Variants in PDHX observed in about 807,000 individuals in gnomAD.
PDHX encodes pyruvate dehydrogenase protein X component, mitochondrial.
PDHX carries 33 observed loss-of-function variants against 55.3 expected under a neutral mutation model. The observed-to-expected ratio is 0.60, with a 90% CI of 0.45 to 0.80. The LOEUF is 0.80. Ranked by LOEUF, PDHX falls within the 30% of genes least tolerant of loss-of-function variation. PDHX has a pLI of 0.00. For synonymous variants in PDHX, 226 were observed against 219.4 expected, an observed-to-expected ratio of 1.03 and a Z score of -0.27; for missense variants, 622 against 619.9, an observed-to-expected ratio of 1.00 and a Z score of -0.04.
intron 8 of PDHX, 71 bp from the exon 9 acceptor site, chr11:34,984,499 A>G: frequency 7.4e-7 from 1 of 1,342,540 alleles, no homozygotes; most frequent in African/African-American, 1.4e-5. Flanking sequence ...ATGCACAATG[A>G]TTTTATTTTT....
At chr11:34,968,654 A>G (rs1259467726) in intron 6 of PDHX, among the ~76,000 whole-genome samples, 1 of 152,226 alleles carries the variant, frequency 6.6e-6, no homozygotes, top group Non-Finnish European at 1.5e-5. Flanking sequence ...TACAAATCCA[A>G]ATAGAAATAA....
In PDHX at chr11:34,995,162, G is replaced by A. The variant is rs377638805; in HGVS notation, c.1496G>A (p.Arg499Gln). The change falls in exon 11 of 11, where the codon CGA becomes CAA. Residue 499 changes from arginine to glutamine, a missense_variant. Arg to Gln is a conservative substitution (Grantham distance 43, BLOSUM62 1). Transcript: ENST00000227868. ...AAAGCAAACCTAGAGAATCCTATCC[G>A]ACTTGCCTAGTCCTCAAAGATAAGA... is the stretch of plus-strand genomic sequence containing the variant. ...SFKANLENPI[R>Q]LA 3.8e-5 allele frequency: 61 copies of A among 1,613,660 alleles called. 1 individual carries two copies. The Admixed American group carries it at 7.2e-4, about 19-fold the overall frequency.
intron 9 of PDHX, among the ~76,000 whole-genome samples, chr11:34,987,521 G>C (rs974515928): frequency 6.6e-6 from 1 of 152,010 alleles, no homozygotes; most frequent in Non-Finnish European, 1.5e-5. Context: ...GTATGTGTAA[G>C]AGAGAGAGAT....
chr11:34,957,902 T>C (rs1456022567), intron 4 of PDHX, among the ~76,000 whole-genome samples: 2 of 152,200 alleles, frequency 1.3e-5, no homozygotes, highest in East Asian at 1.9e-4. Context: ...TATACCAAAC[T>C]TGATACTCTG....
intron 1 of PDHX, among the ~76,000 whole-genome samples, chr11:34,918,734 A>G (rs933342771): frequency 1.1e-4 from 17 of 152,186 alleles, no homozygotes; most frequent in Non-Finnish European, 7.4e-5. Context: ...GAAGTCCAAA[A>G]TGGATCTAAC....
intron 2 of PDHX, among the ~76,000 whole-genome samples, chr11:34,947,201 C>T (rs1854640338): frequency 6.6e-6 from 1 of 152,142 alleles, no homozygotes; most frequent in Non-Finnish European, 1.5e-5. Context: ...GAGGTGGATA[C>T]ACATTTGTTG....
Position 34,994,925 on chromosome 11 carries a change from TG to T in PDHX, c.1263del (p.Met422CysfsTer10), listed in dbSNP as rs1564936906. ...TCTTTTCCCCCTAGTATTTCCAACTTGGGGATGTTTGGCATCGACGAATTTA... is the reference window on the plus strand; with the variant it reads ...TCTTTTCCCCCTAGTATTTCCAACTTGGGATGTTTGGCATCGACGAATTTA... ...YQGGSFSISNLGMFGIDEFTA... is the reference protein window; with the variant it reads ...YQGGSFSISNXGMFGIDEFTA... On this transcript the variant is annotated frameshift_variant, in exon 11 of 11. Transcript: ENST00000227868. LOFTEE classifies it high-confidence loss of function. 6.2e-7 allele frequency: 1 copy of T among 1,613,872 alleles called. No individual in the cohort carries two copies. The highest frequency in any genetic ancestry group is 1.7e-5 in the Admixed American group (1 of 60,002).
chr11:34,992,172 A>AT (rs1855770217), intron 9 of PDHX, 143 bp from the exon 10 acceptor site: 1 of 595,558 alleles, frequency 1.7e-6, no homozygotes, highest in African/African-American at 1.9e-5. Flanking sequence ...TCTTATAATT[A>AT]GAGAAAATTA....
At chr11:34,988,862 A>G (rs1855704004) in intron 9 of PDHX, among the ~76,000 whole-genome samples, 1 of 152,230 alleles carries the variant, frequency 6.6e-6, no homozygotes, top group African/African-American at 2.4e-5. Context: ...GACCACATTC[A>G]CATGATTTTT....
chr11:34,964,715 TAAAAC>T (rs941576435), intron 5 of PDHX, among the ~76,000 whole-genome samples: 3 of 143,830 alleles, frequency 2.1e-5, no homozygotes, highest in Non-Finnish European at 4.4e-5. Flanking sequence ...ACTACAGAGA[TAAAAC>T]TAAACTGCTT....
At chr11:34,975,860 C>T (rs762762854) in intron 7 of PDHX, among the ~76,000 whole-genome samples, 6 of 152,106 alleles carry the variant, frequency 3.9e-5, no homozygotes, top group Non-Finnish European at 8.8e-5. Context: ...TTCTACATCC[C>T]AGGTGAAAGC....
chr11:34,938,090 A>G (rs373835282), intron 2 of PDHX, among the ~76,000 whole-genome samples: 7 of 152,326 alleles, frequency 4.6e-5, no homozygotes, highest in South Asian at 2.1e-4. Flanking sequence ...AAACCCCCCA[A>G]ACCTCAAGGG....
intron 10 of PDHX, 22 bp from the exon 11 acceptor site, chr11:34,994,892 G>A: frequency 6.2e-7 from 1 of 1,613,590 alleles, no homozygotes; most frequent in South Asian, 1.1e-5. Flanking sequence ...GCCTCCTTCA[G>A]AGCTTTTTCT....
At chr11:34,950,482 G>A (rs1413436751) in intron 3 of PDHX, among the ~76,000 whole-genome samples, 11 of 148,240 alleles carry the variant, frequency 7.4e-5, no homozygotes, top group Admixed American at 1.3e-4. Flanking sequence ...CCATTAACTC[G>A]TCATTTAGCA....
chr11:34,990,600 G>A (rs1246033075), intron 9 of PDHX, among the ~76,000 whole-genome samples: 1 of 152,072 alleles, frequency 6.6e-6, no homozygotes, highest in Non-Finnish European at 1.5e-5. Context: ...GTTCATATAT[G>A]TGTCTTTTCA....
upstream of PDHX, chr11:34,916,079 G>A (rs545009828): frequency 2.4e-5 from 25 of 1,040,972 alleles, 1 homozygote; most frequent in South Asian, 3.3e-4. Flanking sequence ...CGCCAAGGTC[G>A]CGGTGCGCCG....
chr11:34,934,840 A>G (rs1854270784), intron 2 of PDHX, among the ~76,000 whole-genome samples: 1 of 151,956 alleles, frequency 6.6e-6, no homozygotes, highest in Non-Finnish European at 1.5e-5. Flanking sequence ...CGACCTCCCA[A>G]AGTGCTAGGA....
At chr11:34,980,877 G>T (rs991754963) in intron 8 of PDHX, among the ~76,000 whole-genome samples, 3 of 152,068 alleles carry the variant, frequency 2.0e-5, no homozygotes, top group African/African-American at 4.8e-5. Context: ...AGAAAACAAA[G>T]AATTTTTGAG....
chr11:34,968,601 A>G (rs574960047), intron 6 of PDHX, among the ~76,000 whole-genome samples: 1 of 152,346 alleles, frequency 6.6e-6, no homozygotes, highest in East Asian at 1.9e-4. Context: ...ACTTTCTATT[A>G]TGAATCTGTA....
Sources: gnomAD v4.1 joint callset for allele counts (sites outside exome capture counted in the v4.1 genomes callset) on GRCh38, gnomAD v4.1.1 for gene constraint, MANE v1.5 for transcripts, NCBI Gene and HGNC (gene_info 2026-07-23, HGNC 2026-07-21) for gene names.